Variants in GALNT13 observed in about 807,000 individuals in gnomAD.
GALNT13 encodes UDP-GalNAc:polypeptide N-acetylgalactosaminyltransferase 13.
Under a neutral mutation model 64.2 loss-of-function variants are expected in GALNT13, and 28 were observed. That is an observed-to-expected ratio of 0.44 (90% CI 0.32 to 0.60). GALNT13 has a LOEUF of 0.60. GALNT13 is among the 20% of genes least tolerant of loss of function. GALNT13 has a pLI of 0.05. For synonymous variants in GALNT13, 214 were observed against 224.6 expected (o/e 0.95, Z 0.42); for missense variants, 577 against 669.8 (o/e 0.86, Z 1.53).
intron 10 of GALNT13, among the ~76,000 whole-genome samples, chr2:154,400,438 G>T (rs1699250680): frequency 6.6e-6 from 1 of 151,904 alleles, no homozygotes; most frequent in African/African-American, 2.4e-5. Context: ...GCTGTGTATT[G>T]GTGAATATAA....
At chr2:153,767,117 C>A in the GALNT13 span, among the ~76,000 whole-genome samples, 1 of 152,064 alleles carries the variant, frequency 6.6e-6, no homozygotes. Flanking sequence ...ACTTTGGAGT[C>A]CCTAGTGTCT....
the GALNT13 span, among the ~76,000 whole-genome samples, chr2:153,859,024 T>C: frequency 6.6e-6 from 1 of 152,048 alleles, no homozygotes; most frequent in Non-Finnish European, 1.5e-5. Context: ...ATGAGCCACA[T>C]GTCTGGCCAA....
chr2:154,292,889 T>C (rs1692723083), intron 8 of GALNT13, among the ~76,000 whole-genome samples: 1 of 152,190 alleles, frequency 6.6e-6, no homozygotes, highest in Non-Finnish European at 1.5e-5. Context: ...AAAATGTCAC[T>C]GATGTGGGTG....
chr2:153,109,801 G>C, the GALNT13 span, among the ~76,000 whole-genome samples: 1 of 152,132 alleles, frequency 6.6e-6, no homozygotes, highest in African/African-American at 2.4e-5. Flanking sequence ...GGTGATGTGA[G>C]TGTGCAGAAG....
chr2:153,801,970 T>C, the GALNT13 span, among the ~76,000 whole-genome samples: 1 of 152,194 alleles, frequency 6.6e-6, no homozygotes, highest in Non-Finnish European at 1.5e-5. Flanking sequence ...TTCTCATTAA[T>C]ATTCTCAAGA....
chr2:154,043,136 A>G (rs1699076935), intron 3 of GALNT13, among the ~76,000 whole-genome samples: 1 of 152,042 alleles, frequency 6.6e-6, no homozygotes, highest in Non-Finnish European at 1.5e-5. Flanking sequence ...AAGAAAGTGA[A>G]AGAAAACCAG....
chr2:153,113,558 T>C, the GALNT13 span, among the ~76,000 whole-genome samples: 1 of 151,964 alleles, frequency 6.6e-6, no homozygotes, highest in African/African-American at 2.4e-5. Flanking sequence ...CCTGTGAAAA[T>C]CAGAGTACTT....
the GALNT13 span, among the ~76,000 whole-genome samples, chr2:153,384,547 G>A: frequency 5.9e-5 from 9 of 151,898 alleles, no homozygotes; most frequent in African/African-American, 2.2e-4. Context: ...CCAACTGATT[G>A]TTGCCATTTG....
chr2:153,184,707 C>T, the GALNT13 span, among the ~76,000 whole-genome samples: 2 of 152,108 alleles, frequency 1.3e-5, no homozygotes, highest in Admixed American at 6.6e-5. Context: ...AAGGCCTTTA[C>T]CGCATCTATT....
the GALNT13 span, among the ~76,000 whole-genome samples, chr2:153,703,994 T>C: frequency 2.0e-5 from 3 of 152,126 alleles, no homozygotes; most frequent in Non-Finnish European, 4.4e-5. Context: ...CTCAGTCCTA[T>C]AGAATACTCT....
At chr2:154,135,861 T>G (rs1473517882) in intron 3 of GALNT13, among the ~76,000 whole-genome samples, 1 of 152,118 alleles carries the variant, frequency 6.6e-6, no homozygotes, top group African/African-American at 2.4e-5. Context: ...ATTACTCAAA[T>G]AATTATCCTT....
At chr2:154,138,357 AAAG>A (rs1381076351) in intron 3 of GALNT13, among the ~76,000 whole-genome samples, 3 of 152,068 alleles carry the variant, frequency 2.0e-5, no homozygotes, top group Admixed American at 1.3e-4. Flanking sequence ...GTAAGAGGAT[AAAG>A]AAGGTTTTGT....
chr2:153,307,179 A>G, the GALNT13 span, among the ~76,000 whole-genome samples: 3 of 152,242 alleles, frequency 2.0e-5, no homozygotes, highest in Non-Finnish European at 2.9e-5. Flanking sequence ...GCATCAATTA[A>G]TCTAATAAAC....
At chr2:154,261,622 A>G (rs1166015869) in intron 8 of GALNT13, among the ~76,000 whole-genome samples, 2 of 152,196 alleles carry the variant, frequency 1.3e-5, no homozygotes, top group East Asian at 1.9e-4. Flanking sequence ...ACAAACATAC[A>G]TTGAGCAAGT....
chr2:154,347,240 A>G (rs1234040602), intron 9 of GALNT13, among the ~76,000 whole-genome samples: 1 of 152,072 alleles, frequency 6.6e-6, no homozygotes. Context: ...TATACTCTGC[A>G]TCCTTGCTAT....
intron 12 of GALNT13, among the ~76,000 whole-genome samples, chr2:154,439,181 T>C (rs1701156036): frequency 6.6e-6 from 1 of 152,180 alleles, no homozygotes; most frequent in African/African-American, 2.4e-5. Flanking sequence ...CTGTTTACAG[T>C]TGTAAATATT....
At chr2:154,264,704 GA>G (rs1690889757) in intron 8 of GALNT13, among the ~76,000 whole-genome samples, 2 of 149,704 alleles carry the variant, frequency 1.3e-5, no homozygotes, top group Admixed American at 1.3e-4. Flanking sequence ...GGAATGTAAT[GA>G]AAATGAAAAC....
the GALNT13 span, among the ~76,000 whole-genome samples, chr2:153,637,928 C>A: frequency 6.6e-6 from 1 of 150,630 alleles, no homozygotes; most frequent in African/African-American, 2.5e-5. Flanking sequence ...ACAGTGCCTA[C>A]CAAGTACCAG....
At chr2:153,307,070 A>G in the GALNT13 span, among the ~76,000 whole-genome samples, 78 of 152,354 alleles carry the variant, frequency 5.1e-4, 1 homozygote, top group East Asian at 0.011. Flanking sequence ...ATAGAAAGGT[A>G]CTTTTTTTCT....
Sources: gnomAD v4.1 joint callset for allele counts (sites outside exome capture counted in the v4.1 genomes callset) on GRCh38, gnomAD v4.1.1 for gene constraint, MANE v1.5 for transcripts, NCBI Gene and HGNC (gene_info 2026-07-23, HGNC 2026-07-21) for gene names.